LSAMP: variants seen among roughly 807,000 people sequenced by gnomAD.
LSAMP encodes limbic system associated membrane protein, also known as limbic system-associated membrane protein.
In LSAMP, 7 loss-of-function variants were observed where a neutral mutation model predicts 38.6. The ratio of observed to expected loss-of-function variants is 0.18; its 90% CI spans 0.10 to 0.34. The LOEUF is 0.34. LSAMP is among the 10% of genes least tolerant of loss of function. LSAMP has a pLI of 1.00. For missense variants in LSAMP, 313 were observed against 420.0 expected, an observed-to-expected ratio of 0.75 and a Z score of 2.23; for synonymous variants, 154 against 166.8, an observed-to-expected ratio of 0.92 and a Z score of 0.59.
At chr3:116,242,269 G>A (rs867198619) in intron 1 of LSAMP, among the ~76,000 whole-genome samples, 30 of 152,198 alleles carry the variant, frequency 2.0e-4, no homozygotes, top group African/African-American at 6.8e-4. Flanking sequence ...ACGGCAAAGA[G>A]CTTATGCTAA....
intron 1 of LSAMP, among the ~76,000 whole-genome samples, chr3:116,119,758 A>G (rs971187688): frequency 7.3e-5 from 11 of 151,194 alleles, no homozygotes; most frequent in Non-Finnish European, 1.6e-4. Context: ...ACCCCGATTC[A>G]AGTGAGATTC....
At chr3:116,180,375 A>AT (rs58599963) in intron 1 of LSAMP, among the ~76,000 whole-genome samples, 18 of 150,848 alleles carry the variant, frequency 1.2e-4, no homozygotes, top group African/African-American at 3.2e-4. Context: ...TTTATCCCAG[A>AT]TTTTTTTTTT....
At chr3:115,947,047 C>T (rs953533786) in intron 3 of LSAMP, among the ~76,000 whole-genome samples, 4 of 151,556 alleles carry the variant, frequency 2.6e-5, no homozygotes, top group Non-Finnish European at 5.9e-5. Context: ...ATAAGAAAGA[C>T]AATATGATTT....
intron 3 of LSAMP, among the ~76,000 whole-genome samples, chr3:115,925,652 C>T (rs1937482220): frequency 1.3e-5 from 2 of 152,124 alleles, no homozygotes; most frequent in Non-Finnish European, 2.9e-5. Context: ...TGAACTGACC[C>T]TGAAACACAT....
At chr3:116,113,405 TA>T (rs1559747882) in intron 1 of LSAMP, among the ~76,000 whole-genome samples, 5,730 of 63,442 alleles carry the variant, frequency 0.09, 286 homozygotes, top group Non-Finnish European at 0.12. Context: ...TTGCCCTATA[TA>T]TATATATATA....
At chr3:116,053,784 C>T (rs547714968) in intron 2 of LSAMP, among the ~76,000 whole-genome samples, 4 of 152,120 alleles carry the variant, frequency 2.6e-5, no homozygotes, top group South Asian at 2.1e-4. Context: ...AGTCTTTTTG[C>T]GTGGGAGAGT....
intron 3 of LSAMP, among the ~76,000 whole-genome samples, chr3:115,854,250 A>ATATTATTATTATTAT (rs769267859): frequency 2.4e-5 from 3 of 124,294 alleles, no homozygotes; most frequent in East Asian, 2.3e-4. Flanking sequence ...ATATAGTTAA[A>ATATTATTATTATTAT]TATTATTATT....
At chr3:116,096,265 C>T (rs948890876) in intron 1 of LSAMP, among the ~76,000 whole-genome samples, 1 of 152,124 alleles carries the variant, frequency 6.6e-6, no homozygotes, top group African/African-American at 2.4e-5. Flanking sequence ...CTGGAAGATC[C>T]TGATACATTT....
intron 1 of LSAMP, among the ~76,000 whole-genome samples, chr3:116,091,949 C>G (rs1179145732): frequency 6.6e-6 from 1 of 152,182 alleles, no homozygotes; most frequent in East Asian, 1.9e-4. Flanking sequence ...GTGTAACCTT[C>G]TTAAAACTTC....
In LSAMP at chr3:116,133,619, A is replaced by G. The variant is rs187593402; in HGVS notation, c.156-47063T>C. Among the ~76,000 whole-genome samples, 65 of 152,250 alleles carry G rather than the reference A, an allele frequency of 4.3e-4. No individual in the cohort carries two copies. In the South Asian group the frequency reaches 5.8e-3, roughly 14 times the overall value. ...TTAGCCACAGACCCAGCCTCTTTCC[A>G]TATTTAAATTGAGGAAATAATACCT... On this transcript the variant is annotated intron_variant, in intron 1 of 6. Coordinates refer to ENST00000490035, the MANE Select transcript of LSAMP (RefSeq NM_002338.5).
chr3:116,058,848 C>A (rs1941539045), intron 2 of LSAMP, among the ~76,000 whole-genome samples: 1 of 151,964 alleles, frequency 6.6e-6, no homozygotes, highest in African/African-American at 2.4e-5. Flanking sequence ...TTCTAAGACA[C>A]ATACAGGTCT....
At chr3:115,976,506 G>C (rs1209476466) in intron 3 of LSAMP, among the ~76,000 whole-genome samples, 1 of 152,136 alleles carries the variant, frequency 6.6e-6, no homozygotes, top group Non-Finnish European at 1.5e-5. Context: ...TTTGTTTGAA[G>C]AAAAAGATTT....
At chr3:115,903,914 T>A (rs996731845) in intron 3 of LSAMP, among the ~76,000 whole-genome samples, 1 of 152,180 alleles carries the variant, frequency 6.6e-6, no homozygotes, top group Admixed American at 6.6e-5. Flanking sequence ...AAGTCTTCCC[T>A]CCAAAATTCT....
At chr3:115,904,007 G>A (rs749839759) in intron 3 of LSAMP, among the ~76,000 whole-genome samples, 3 of 152,130 alleles carry the variant, frequency 2.0e-5, no homozygotes, top group Non-Finnish European at 2.9e-5. Context: ...AGTTGAAGAT[G>A]TGGTTTGAAT....
chr3:115,888,522 A>G (rs897881463), intron 3 of LSAMP, among the ~76,000 whole-genome samples: 1 of 151,838 alleles, frequency 6.6e-6, no homozygotes, highest in African/African-American at 2.4e-5. Context: ...AAGCATCTCC[A>G]TTTTCAGTCT....
chr3:115,856,215 T>C (rs956706512), intron 3 of LSAMP, among the ~76,000 whole-genome samples: 1 of 152,198 alleles, frequency 6.6e-6, no homozygotes. Flanking sequence ...CCAAAATTCA[T>C]ATGTTGAAAC....
intron 1 of LSAMP, among the ~76,000 whole-genome samples, chr3:116,215,411 T>C (rs1047783491): frequency 9.9e-5 from 15 of 152,170 alleles, no homozygotes; most frequent in Admixed American, 3.3e-4. Flanking sequence ...TTTAAAGTAT[T>C]GAGCACTCAC....
At chr3:116,124,782 A>C (rs982934856) in intron 1 of LSAMP, among the ~76,000 whole-genome samples, 1 of 152,222 alleles carries the variant, frequency 6.6e-6, no homozygotes, top group Non-Finnish European at 1.5e-5. Context: ...GGACATGGTC[A>C]TACACACTCA....
intron 1 of LSAMP, among the ~76,000 whole-genome samples, chr3:116,256,309 C>G (rs2046750313): frequency 6.6e-6 from 1 of 152,140 alleles, no homozygotes; most frequent in Non-Finnish European, 1.5e-5. Flanking sequence ...ACCAGCAAAG[C>G]AAGAGCATTT....
Sources: allele counts gnomAD v4.1 joint callset (sites outside exome capture counted in the v4.1 genomes callset), GRCh38; gene constraint gnomAD v4.1.1; transcripts MANE v1.5; gene names NCBI Gene and HGNC (gene_info 2026-07-23, HGNC 2026-07-21).